Variants in SYT6 observed in about 807,000 individuals in gnomAD.
SYT6 encodes synaptotagmin 6, also known as synaptotagmin-6.
In SYT6, 24 loss-of-function variants were observed where a neutral mutation model predicts 38.4. The ratio of observed to expected loss-of-function variants is 0.62; its 90% CI spans 0.45 to 0.88. The LOEUF (loss-of-function observed/expected upper bound fraction) is 0.88, where lower values mean the gene tolerates loss of function less well. Among genes scored for constraint, SYT6 ranks in the 40% least tolerant of loss-of-function variants. SYT6 has a pLI of 0.00. For synonymous variants in SYT6, 265 were observed against 241.9 expected (o/e 1.10, Z -0.89); for missense variants, 611 against 621.0 (o/e 0.98, Z 0.17).
At chr1:114,143,977 G>A (rs930359701) in intron 1 of SYT6, among the ~76,000 whole-genome samples, 2 of 152,178 alleles carry the variant, frequency 1.3e-5, no homozygotes, top group African/African-American at 2.4e-5. Flanking sequence ...CTTCTTGCTC[G>A]GAGTAGAGAA....
intron 6 of SYT6, among the ~76,000 whole-genome samples, chr1:114,095,575 G>T (rs1327993359): frequency 3.3e-5 from 5 of 152,226 alleles, no homozygotes; most frequent in Non-Finnish European, 1.5e-5. Flanking sequence ...CTTAGGGTCA[G>T]AGTTTCCTAG....
chr1:114,149,220 T>TGTGTGTGTGTGTGTGTGCGCGCGC (rs1679311680), intron 1 of SYT6, among the ~76,000 whole-genome samples: 3 of 113,954 alleles, frequency 2.6e-5, no homozygotes, highest in African/African-American at 6.1e-5. Flanking sequence ...AGAGAGATTG[T>TGTGTGTGTGTGTGTGTGCGCGCGC]GTGTGTGTGT....
chr1:114,101,819 C>T (rs575817939), intron 4 of SYT6, among the ~76,000 whole-genome samples: 20 of 152,280 alleles, frequency 1.3e-4, no homozygotes, highest in African/African-American at 4.1e-4. Flanking sequence ...TCCATTCATT[C>T]GGTATCTATT....
intron 3 of SYT6, among the ~76,000 whole-genome samples, chr1:114,105,250 T>G (rs1026312722): frequency 7.3e-5 from 11 of 151,330 alleles, no homozygotes; most frequent in African/African-American, 2.7e-4. Flanking sequence ...GACACCAGGG[T>G]TTTTGTCCAT....
At chr1:114,132,924 A>G (rs1678240105) in intron 3 of SYT6, among the ~76,000 whole-genome samples, 1 of 152,210 alleles carries the variant, frequency 6.6e-6, no homozygotes, top group East Asian at 1.9e-4. Context: ...TTTTAAAGCT[A>G]GAAAGTAAGG....
chr1:114,117,414 C>T (rs1677066874), intron 3 of SYT6, among the ~76,000 whole-genome samples: 1 of 152,238 alleles, frequency 6.6e-6, no homozygotes, highest in South Asian at 2.1e-4. Flanking sequence ...TCCCCACTGC[C>T]TGCCTGGTGG....
intron 3 of SYT6, among the ~76,000 whole-genome samples, chr1:114,126,854 G>A (rs1189361640): frequency 1.3e-5 from 2 of 152,230 alleles, no homozygotes; most frequent in African/African-American, 2.4e-5. Flanking sequence ...CTGGTTGCCA[G>A]TGAGAGCCGT....
chr1:114,109,192 T>G (rs79240302), intron 3 of SYT6, among the ~76,000 whole-genome samples: 1,745 of 152,272 alleles, frequency 0.011, 24 homozygotes, highest in African/African-American at 0.04. Flanking sequence ...GGCCTCCTCT[T>G]CATAGCACAC....
rs751271416 is a variant in SYT6, at chr1:114,099,239, A to G, written c.1219T>C (p.Cys407Arg). Residue 407 changes from cysteine to arginine, a missense_variant, in exon 5 of 8, where the codon TGT (cysteine) becomes CGT (arginine). Cys to Arg is a radical substitution (Grantham distance 180). Transcript: ENST00000610222. ...SDPYVKVSLL[C>R]DGRRLKKKKT... The stretch of plus-strand genomic sequence containing the variant: ...TTCTTCTTCAGCCTCCGCCCATCAC[A>G]GAGCAAGGACACTTTCACATAGGGA... 1 of 1,613,798 alleles carries G rather than the reference A, an allele frequency of 6.2e-7. No individual in the cohort carries two copies. The highest frequency in any genetic ancestry group is 8.5e-7 in the Non-Finnish European group (1 of 1,179,800).
At chr1:114,120,049 C>T (rs1003697415) in intron 3 of SYT6, among the ~76,000 whole-genome samples, 11 of 137,832 alleles carry the variant, frequency 8.0e-5, no homozygotes, top group Non-Finnish European at 7.5e-5. Flanking sequence ...CCAGCCTGGG[C>T]GACAGAGAGA....
intron 1 of SYT6, among the ~76,000 whole-genome samples, chr1:114,148,212 C>CCCTCCCCTCTTCTCCACCCA (rs1679255545): frequency 6.6e-6 from 1 of 152,150 alleles, no homozygotes; most frequent in Non-Finnish European, 1.5e-5. Context: ...CCCTAGTGCC[C>CCCTCCCCTCTTCTCCACCCA]CCTCCCCTCT....
chr1:114,151,558 C>A (rs1393191241), intron 1 of SYT6, among the ~76,000 whole-genome samples: 1 of 152,192 alleles, frequency 6.6e-6, no homozygotes, highest in Non-Finnish European at 1.5e-5. Flanking sequence ...CCACTTCCAG[C>A]AACTTCCACC....
At position 114,093,807 on chromosome 1, in the gene SYT6, G is replaced by A; in HGVS notation, c.1516-4C>T. 6.2e-7 allele frequency: 1 copy of A among 1,614,018 alleles called. No homozygotes were observed. Among genetic ancestry groups the A allele is most frequent in the South Asian group, 1.1e-5 (1 of 91,060 alleles). ...GAAATCACAACCGAGGGTTTCCCTG[G>A]TGAAATATTTTAGATAAATAAATGC... On this transcript the variant is annotated splice_polypyrimidine_tract_variant and splice_region_variant and intron_variant, in intron 6 of 7. Coordinates refer to ENST00000610222, the MANE Select transcript of SYT6 (RefSeq NM_001253772.2).
chr1:114,140,949 G>C (rs1222542688), intron 1 of SYT6, among the ~76,000 whole-genome samples: 1 of 152,174 alleles, frequency 6.6e-6, no homozygotes, highest in Non-Finnish European at 1.5e-5. Context: ...GAGGCGTCCT[G>C]AGCTGCATCC....
At chr1:114,103,167 C>T (rs184084766) in intron 4 of SYT6, among the ~76,000 whole-genome samples, 22 of 152,190 alleles carry the variant, frequency 1.4e-4, no homozygotes, top group Non-Finnish European at 2.6e-4. Context: ...CTGCATAGAC[C>T]GGCAAACATT....
intron 1 of SYT6, among the ~76,000 whole-genome samples, chr1:114,145,522 TTTTTA>T (rs1571901687): frequency 8.1e-6 from 1 of 122,892 alleles, no homozygotes; most frequent in African/African-American, 3.7e-5. Flanking sequence ...TTTTTTTTTT[TTTTTA>T]ACCTGTTATG....
intron 3 of SYT6, among the ~76,000 whole-genome samples, chr1:114,104,330 T>C (rs1421455791): frequency 6.6e-6 from 1 of 152,198 alleles, no homozygotes; most frequent in Admixed American, 6.5e-5. Context: ...TTCTCTTTTC[T>C]CCTTAAATGT....
chr1:114,138,133 G>A, intron 2 of SYT6, 80 bp from the exon 3 acceptor site: 1 of 1,371,574 alleles, frequency 7.3e-7, no homozygotes, highest in Non-Finnish European at 9.9e-7. Flanking sequence ...CGAGCCTGGA[G>A]GCCCTGGCTC....
chr1:114,099,525 G>A (rs550801486), intron 4 of SYT6, among the ~76,000 whole-genome samples: 44 of 152,328 alleles, frequency 2.9e-4, no homozygotes, highest in Middle Eastern at 3.4e-3. Context: ...TAATGGGGAA[G>A]CTGGCCCCAT....
Sources: gnomAD v4.1 joint callset for allele counts (sites outside exome capture counted in the v4.1 genomes callset) on GRCh38, gnomAD v4.1.1 for gene constraint, MANE v1.5 for transcripts, NCBI Gene and HGNC (gene_info 2026-07-23, HGNC 2026-07-21) for gene names.